DCAF4: variants seen among roughly 807,000 people sequenced by gnomAD.
DCAF4 encodes DDB1 and CUL4 associated factor 4.
Under a neutral mutation model 60.9 loss-of-function variants are expected in DCAF4, and 37 were observed. The observed-to-expected ratio is 0.61, with a 90% confidence interval of 0.47 to 0.80. The LOEUF (loss-of-function observed/expected upper bound fraction) is 0.80. Ranked by LOEUF, DCAF4 falls within the 30% of genes least tolerant of loss-of-function variation. The pLI is 0.00. For missense variants in DCAF4, 577 were observed against 650.0 expected, an observed-to-expected ratio of 0.89 and a Z score of 1.22; for synonymous variants, 243 against 254.8, an observed-to-expected ratio of 0.95 and a Z score of 0.44.
chr14:72,929,274 G>A (rs2140175222), intron 1 of DCAF4, among the ~76,000 whole-genome samples: 1 of 152,358 alleles, frequency 6.6e-6, no homozygotes, highest in Middle Eastern at 3.4e-3. Flanking sequence ...AATGTGTGCC[G>A]CTTTTGTGTG....
chr14:72,929,933 C>A, intron 1 of DCAF4: 1 of 1,053,766 alleles, frequency 9.5e-7, no homozygotes, highest in South Asian at 1.4e-5. Flanking sequence ...AGAGCCATGG[C>A]TGCTGCTCTC....
At chr14:72,945,586 C>T (rs1280062659) in intron 6 of DCAF4, among the ~76,000 whole-genome samples, 2 of 152,138 alleles carry the variant, frequency 1.3e-5, no homozygotes, top group Non-Finnish European at 1.5e-5. Flanking sequence ...TAGGGCTCTC[C>T]CAAACCCACT....
At chr14:72,936,508 G>A (rs1215374388) in intron 1 of DCAF4, among the ~76,000 whole-genome samples, 1 of 150,238 alleles carries the variant, frequency 6.7e-6, no homozygotes, top group African/African-American at 2.5e-5. Flanking sequence ...AGGTTGCAGT[G>A]AGCTGAGATG....
At chr14:72,929,146 C>T (rs1888152878) in intron 1 of DCAF4, among the ~76,000 whole-genome samples, 1 of 151,830 alleles carries the variant, frequency 6.6e-6, no homozygotes. Context: ...TCCTCTGGGC[C>T]TGCGCCTTGG....
At chr14:72,953,782 T>TGTGTGTG (rs1891878980) in intron 9 of DCAF4, among the ~76,000 whole-genome samples, 1 of 41,124 alleles carries the variant, frequency 2.4e-5, no homozygotes, top group African/African-American at 9.5e-5. Context: ...ATTTATTTAT[T>TGTGTGTG]TGTGTGTGTG....
intron 13 of DCAF4, chr14:72,957,329 G>A (rs996085592): frequency 5.3e-5 from 8 of 152,274 alleles, no homozygotes; most frequent in Non-Finnish European, 8.8e-5. Context: ...GGAGTTACCA[G>A]TTGATTACAG....
At chr14:72,961,560 C>T (rs1411672598), downstream of DCAF4, among the ~76,000 whole-genome samples, 1 of 152,220 alleles carries the variant, frequency 6.6e-6, no homozygotes, top group Non-Finnish European at 1.5e-5. Flanking sequence ...GCAAGCTCTG[C>T]CAAGCCCAGA....
In DCAF4 at chr14:72,956,941, G is replaced by A. The variant is rs189786932; in HGVS notation, c.1294+441G>A. 291 of 212,810 alleles carry A rather than the reference G, an allele frequency of 1.4e-3. 1 individual carries two copies. The highest frequency in any genetic ancestry group is 6.3e-3 in the African/African-American group (267 of 42,086). 13.2% of individuals were successfully genotyped at this position (212,810 alleles called of 1,614,324 possible). On this transcript the variant is annotated intron_variant, in intron 13 of 13. Coordinates refer to ENST00000358377, the MANE Select transcript of DCAF4 (RefSeq NM_015604.4). The stretch of plus-strand genomic sequence containing the variant: ...AAGATTCTTGGCCCCGGCCCGGCGC[G>A]GTGGCTCACGCCCGTAATCCCAACA...
At chr14:72,947,367 C>T (rs1426187456) in intron 8 of DCAF4, among the ~76,000 whole-genome samples, 176 bp downstream of exon 8, 1 of 152,308 alleles carries the variant, frequency 6.6e-6, no homozygotes, top group Non-Finnish European at 1.5e-5. Flanking sequence ...CAAGGATGCC[C>T]GTGGAGCACA....
chr14:72,934,417 G>C (rs1419129928), intron 1 of DCAF4, among the ~76,000 whole-genome samples: 1 of 152,104 alleles, frequency 6.6e-6, no homozygotes, highest in East Asian at 1.9e-4. Flanking sequence ...GCCTCCCAAA[G>C]TGCTGGGATT....
intron 8 of DCAF4, among the ~76,000 whole-genome samples, chr14:72,951,458 A>G (rs1218443365): frequency 1.3e-5 from 2 of 152,092 alleles, no homozygotes; most frequent in Non-Finnish European, 2.9e-5. Flanking sequence ...CTAAAAATAC[A>G]AAATTACCCG....
rs796755359 is a variant in DCAF4 at position 72,943,188 on chromosome 14, G to GAA, written c.534+93_534+94insAA. ...TTGCCAGTCATCAAACCTGGCTCTGGAGAAGCCAACTGCAATGAAAGTAGG... is the reference window on the plus strand; with the variant it reads ...TTGCCAGTCATCAAACCTGGCTCTGGAAAGAAGCCAACTGCAATGAAAGTAGG... On this transcript the variant is annotated intron_variant, in intron 6 of 13. Coordinates refer to ENST00000358377, the MANE Select transcript of DCAF4 (RefSeq NM_015604.4). 26 of 1,174,812 alleles carry GAA rather than the reference G, an allele frequency of 2.2e-5. No homozygotes were observed. In the African/African-American group the frequency reaches 3.8e-4, roughly 17 times the overall value. 72.8% of individuals were successfully genotyped at this position (1,174,812 alleles called of 1,614,324 possible). A position where few individuals can be genotyped will look rare whatever the true frequency, so the allele number is the denominator to read the frequency against.
At position 72,959,372 on chromosome 14, in the gene DCAF4, C is replaced by T; in HGVS notation, c.*567C>T. On this transcript the variant is annotated 3_prime_UTR_variant, in exon 14 of 14. Coordinates refer to ENST00000358377, the MANE Select transcript of DCAF4 (RefSeq NM_015604.4). ...TCAGCAGCAGATCTCCGGGATTCTG[C>T]TGTTATTATCCAAAGGCGTTGGAAG... 1.0e-6 allele frequency: 1 copy of T among 985,514 alleles called. No homozygotes were observed. The highest frequency in any genetic ancestry group is 1.2e-6 in the Non-Finnish European group (1 of 830,012). 61.0% of individuals were successfully genotyped at this position (985,514 alleles called of 1,614,324 possible).
chr14:72,945,140 C>A (rs1341026040), intron 6 of DCAF4, among the ~76,000 whole-genome samples: 1 of 152,116 alleles, frequency 6.6e-6, no homozygotes, highest in Non-Finnish European at 1.5e-5. Context: ...CACCTGTAAT[C>A]CCAGCACTTT....
chr14:72,945,474 TAAA>T (rs34392033), intron 6 of DCAF4, among the ~76,000 whole-genome samples: 6 of 143,210 alleles, frequency 4.2e-5, no homozygotes, highest in African/African-American at 2.6e-5. Flanking sequence ...TTCATGGTGG[TAAA>T]AAAAAAAAAA....
At chr14:72,959,809 G>A (rs1203770283), downstream of DCAF4, 2 of 335,246 alleles carry the variant, frequency 6.0e-6, no homozygotes, top group Non-Finnish European at 8.5e-6. Context: ...ATGCCCAAAA[G>A]ACTCACCTCT....
chr14:72,931,263 C>CTTTTTTTTTTT (rs370127536), intron 1 of DCAF4, among the ~76,000 whole-genome samples: 30 of 126,786 alleles, frequency 2.4e-4, no homozygotes, highest in East Asian at 6.7e-4. Context: ...TACTTTTTCT[C>CTTTTTTTTTTT]TTTTTTTTTT....
chr14:72,929,919 G>T lies in DCAF4; in HGVS notation c.-9+3376G>T. 16 of 1,240,540 alleles carry T rather than the reference G, an allele frequency of 1.3e-5. No individual in the cohort carries two copies. In the South Asian group the frequency reaches 1.5e-4, roughly 12 times the overall value. The allele number at this position is 1,240,540 out of a possible 1,614,324, so 76.8% of individuals were successfully genotyped here. A position where few individuals can be genotyped will look rare whatever the true frequency, so the allele number is the denominator to read the frequency against. ...TGTTGAGGCCCACGGCCATAAGGTA[G>T]CGCAGAGCCATGGCTGCTGCTCTCC... On this transcript the variant is annotated intron_variant, in intron 1 of 13. Transcript: ENST00000358377.
intron 12 of DCAF4, 54 bp downstream of exon 12, chr14:72,955,750 C>A: frequency 6.6e-7 from 1 of 1,523,350 alleles, no homozygotes; most frequent in Non-Finnish European, 9.0e-7. Context: ...CAGTGCCCTG[C>A]CAGGTGAAAG....
Sources: allele counts gnomAD v4.1 joint callset (sites outside exome capture counted in the v4.1 genomes callset), GRCh38; gene constraint gnomAD v4.1.1; transcripts MANE v1.5; gene names NCBI Gene and HGNC (gene_info 2026-07-23, HGNC 2026-07-21).